CBFA2T2: variants seen among roughly 807,000 people sequenced by gnomAD.
CBFA2T2 encodes the protein CBFA2/RUNX1 partner transcriptional co-repressor 2, also known as protein CBFA2T2.
A neutral mutation model predicts 62.2 loss-of-function variants in CBFA2T2; 11 were observed. The ratio of observed to expected loss-of-function variants is 0.18; its 90% CI spans 0.11 to 0.29. The LOEUF is 0.29. CBFA2T2 is among the 10% of genes least tolerant of loss of function. The pLI, the probability that CBFA2T2 is intolerant of heterozygous loss-of-function variation, is 1.00. For missense variants in CBFA2T2, 592 were observed against 774.1 expected (o/e 0.76, Z 2.79); for synonymous variants, 295 against 287.5 (o/e 1.03, Z -0.27).
At chr20:33,600,557 G>A in intron 1 of CBFA2T2, 2 of 320,218 alleles carry the variant, frequency 6.2e-6, no homozygotes, top group South Asian at 4.7e-5. Flanking sequence ...ATTGAAGAGA[G>A]GCTATGGTCC....
intron 1 of CBFA2T2, among the ~76,000 whole-genome samples, chr20:33,503,674 T>C (rs564584516): frequency 1.3e-5 from 2 of 152,284 alleles, no homozygotes; most frequent in Admixed American, 6.5e-5. Context: ...TGGCAGAGTC[T>C]CAGAATAACT....
intron 1 of CBFA2T2, chr20:33,574,085 G>C (rs994695931): frequency 1.0e-4 from 154 of 1,493,382 alleles, no homozygotes; most frequent in Non-Finnish European, 1.4e-4. Flanking sequence ...CACCATACCA[G>C]TTCCTGTCTA....
intron 6 of CBFA2T2, among the ~76,000 whole-genome samples, chr20:33,626,143 G>A (rs2016218772): frequency 6.6e-6 from 1 of 152,132 alleles, no homozygotes; most frequent in South Asian, 2.1e-4. Flanking sequence ...AAAAAAATGA[G>A]GCAGGAGGAC....
At chr20:33,496,289 A>C (rs1310738898) in intron 1 of CBFA2T2, among the ~76,000 whole-genome samples, 1 of 152,206 alleles carries the variant, frequency 6.6e-6, no homozygotes, top group Non-Finnish European at 1.5e-5. Context: ...ATACCTTGTT[A>C]ATAGTGAATT....
chr20:33,571,470 C>T (rs1446114273), intron 1 of CBFA2T2, among the ~76,000 whole-genome samples: 3 of 152,064 alleles, frequency 2.0e-5, no homozygotes, highest in Non-Finnish European at 4.4e-5. Context: ...TTCATATATC[C>T]ATTTTTTTCT....
intron 1 of CBFA2T2, among the ~76,000 whole-genome samples, chr20:33,501,636 T>C (rs959223660): frequency 5.1e-5 from 6 of 117,114 alleles, no homozygotes; most frequent in South Asian, 3.3e-4. Flanking sequence ...CTTCCTTTTT[T>C]TTTTTTTTTT....
chr20:33,545,197 C>T (rs1275815520), intron 1 of CBFA2T2, among the ~76,000 whole-genome samples: 1 of 152,082 alleles, frequency 6.6e-6, no homozygotes, highest in African/African-American at 2.4e-5. Flanking sequence ...AGAATGTGAT[C>T]TTGGGGTATG....
chr20:33,608,554 G>T (rs2015415784), intron 2 of CBFA2T2, among the ~76,000 whole-genome samples: 1 of 152,182 alleles, frequency 6.6e-6, no homozygotes, highest in African/African-American at 2.4e-5. Context: ...GAAAAGAAGT[G>T]TGATATCCCT....
intron 10 of CBFA2T2, among the ~76,000 whole-genome samples, chr20:33,641,055 C>T (rs1276709109): frequency 6.7e-6 from 1 of 150,178 alleles, no homozygotes; most frequent in Non-Finnish European, 1.5e-5. Flanking sequence ...TTTTTTGAGA[C>T]GGAGTCTCTC....
At chr20:33,574,357 G>T in intron 1 of CBFA2T2, 1 of 1,170,650 alleles carries the variant, frequency 8.5e-7, no homozygotes, top group South Asian at 1.3e-5. Context: ...CAGGCATGGT[G>T]GCTCACGCCT....
intron 1 of CBFA2T2, among the ~76,000 whole-genome samples, chr20:33,502,574 T>G (rs1027654552): frequency 1.3e-5 from 2 of 151,562 alleles, no homozygotes; most frequent in Non-Finnish European, 2.9e-5. Context: ...CGGCTAATTT[T>G]TTGTATTTTT....
At position 33,620,562 on chromosome 20, in the gene CBFA2T2, G is replaced by A. The variant is rs146454755; in HGVS notation, c.510+956G>A. ...ATATTTAAGAGTAAGCCGCAAGGCC[G>A]GGTGTGGTGGCTCACGCCTATAATC... On this transcript the variant is annotated intron_variant, in intron 4 of 10. Transcript: ENST00000342704. 3.5e-3 allele frequency among the ~76,000 whole-genome samples: 538 copies of A among 151,848 alleles called. 4 individuals are homozygous for A. Among genetic ancestry groups the A allele is most frequent in the African/African-American group, 0.012 (513 of 41,410 alleles).
chr20:33,638,043 C>G (rs111308365), intron 9 of CBFA2T2, among the ~76,000 whole-genome samples: 12 of 135,728 alleles, frequency 8.8e-5, no homozygotes, highest in African/African-American at 3.0e-4. Flanking sequence ...GGCACAATCT[C>G]AGCTCACTGC....
At chr20:33,562,836 ATGTT>A (rs1437066162) in intron 1 of CBFA2T2, among the ~76,000 whole-genome samples, 1 of 152,036 alleles carries the variant, frequency 6.6e-6, no homozygotes, top group Non-Finnish European at 1.5e-5. Context: ...CATTTTATTT[ATGTT>A]TCTATTTTTC....
intron 1 of CBFA2T2, among the ~76,000 whole-genome samples, chr20:33,547,969 G>C (rs1396338564): frequency 2.0e-5 from 3 of 152,010 alleles, no homozygotes; most frequent in East Asian, 3.9e-4. Flanking sequence ...GGAGAATGGG[G>C]TCTTGCTGTA....
Position 33,490,291 on chromosome 20 carries a change from C to T in CBFA2T2, c.24C>T (p.Ala8=). ...CGATGGTAGGCGTCCCTGGAGCGGCCGCCTTCCAGCGTAAGTGGGGCGTGA... is the reference window on the plus strand; with the variant it reads ...CGATGGTAGGCGTCCCTGGAGCGGCTGCCTTCCAGCGTAAGTGGGGCGTGA... MVGVPGA[A]AFQLGPEKRV... Residue 8 remains alanine, a synonymous_variant, in exon 1 of 11, where the codon GCC becomes GCT. Transcript: ENST00000342704. The T allele has an allele frequency of 1.6e-6, 2 of 1,271,546 alleles. No individual in the cohort carries two copies. The highest frequency in any genetic ancestry group is 3.0e-5 in the East Asian group (1 of 33,182). The allele number at this position is 1,271,546 out of a possible 1,614,324, so 78.8% of individuals were successfully genotyped here. A position where few individuals can be genotyped will look rare whatever the true frequency, so the allele number is the denominator to read the frequency against.
rs921801142 is a variant in CBFA2T2 at position 33,627,116 on chromosome 20, G to A, written c.947-1234G>A. 3.9e-5 allele frequency among the ~76,000 whole-genome samples: 6 copies of A among 152,142 alleles called. No individual in the cohort carries two copies. In the South Asian group the frequency reaches 1.0e-3, roughly 26 times the overall value. On this transcript the variant is annotated intron_variant, in intron 6 of 10. Transcript: ENST00000342704. ...TATCTATTAAAAACTGCTTGCGGGC[G>A]GTCTGGCGTGGTGGTTCATGCCTGT...
rs1235069056 is a variant in CBFA2T2, at chr20:33,629,004, G to T, written c.1032+569G>T. On this transcript the variant is annotated intron_variant, in intron 7 of 10. Transcript: ENST00000342704. The stretch of plus-strand genomic sequence containing the variant: ...TTTGTAGCCAGGTGCAGTGGCACAT[G>T]CCTGTAGTCCCAGCTACTCGGGAAG... 3.3e-5 allele frequency among the ~76,000 whole-genome samples: 5 copies of T among 152,276 alleles called. No individual in the cohort carries two copies. The East Asian group carries it at 7.7e-4, about 23-fold the overall frequency.
Position 33,490,293 on chromosome 20 carries a change from C to T in CBFA2T2, c.26C>T (p.Ala9Val). 1 of 1,273,858 alleles carries T rather than the reference C, an allele frequency of 7.9e-7. No individual in the cohort carries two copies. The highest frequency in any genetic ancestry group is 3.3e-5 in the South Asian group (1 of 30,218). 78.9% of individuals were successfully genotyped at this position (1,273,858 alleles called of 1,614,324 possible). ...ATGGTAGGCGTCCCTGGAGCGGCCG[C>T]CTTCCAGCGTAAGTGGGGCGTGAAT... MVGVPGAA[A>V]FQLGPEKRVP... The change falls in exon 1 of 11, where the codon GCC (alanine) becomes GTC (valine). Residue 9 changes from alanine (A) to valine (V), a missense_variant. Ala to Val is a moderately conservative substitution (Grantham distance 64). Around this residue, in one of 3 missense-constraint regions of CBFA2T2, gnomAD observed 449 missense variants for 551.2 expected, o/e 0.81. Coordinates refer to ENST00000342704, the MANE Select transcript of CBFA2T2 (RefSeq NM_001032999.3).
Sources: allele counts gnomAD v4.1 joint callset (sites outside exome capture counted in the v4.1 genomes callset), GRCh38; gene constraint gnomAD v4.1.1; regional missense constraint gnomAD v4.1.1; transcripts MANE v1.5; gene names NCBI Gene and HGNC (gene_info 2026-07-23, HGNC 2026-07-21).